Variants in ATP2B2 observed in about 807,000 individuals in gnomAD.
ATP2B2 encodes the protein plasma membrane calcium-transporting ATPase 2.
A neutral mutation model predicts 120.0 loss-of-function variants in ATP2B2; 15 were observed. That is an observed-to-expected ratio of 0.12 (90% CI 0.08 to 0.19). The LOEUF (loss-of-function observed/expected upper bound fraction) is 0.19, where lower values mean the gene tolerates loss of function less well. Among genes scored for constraint, ATP2B2 ranks in the 10% least tolerant of loss-of-function variants. The pLI, the probability that ATP2B2 is intolerant of heterozygous loss-of-function variation, is 1.00. For synonymous variants in ATP2B2, 694 were observed against 700.3 expected (o/e 0.99, Z 0.14); for missense variants, 1,045 against 1,719.8 (o/e 0.61, Z 6.94).
At chr3:10,586,597 G>C (rs926457799) in intron 2 of ATP2B2, among the ~76,000 whole-genome samples, 1 of 152,150 alleles carries the variant, frequency 6.6e-6, no homozygotes, top group East Asian at 1.9e-4. Context: ...GAGGTTCCTC[G>C]AGAGAATCTT....
intron 3 of ATP2B2, among the ~76,000 whole-genome samples, chr3:10,513,868 G>A (rs1045881911): frequency 3.7e-4 from 56 of 152,248 alleles, no homozygotes; most frequent in African/African-American, 1.3e-3. Context: ...TGACCTTAAT[G>A]GTAGCCCTGC....
At chr3:10,570,355 G>T (rs1347622366) in intron 2 of ATP2B2, 9 of 152,234 alleles carry the variant, frequency 5.9e-5, no homozygotes, top group African/African-American at 2.2e-4. Context: ...CAGCAGTTTG[G>T]TGAGTGGGAG....
chr3:10,540,819 G>A (rs1039445247), intron 2 of ATP2B2, among the ~76,000 whole-genome samples: 8 of 151,250 alleles, frequency 5.3e-5, no homozygotes, highest in African/African-American at 1.7e-4. Flanking sequence ...GTATACATAT[G>A]TAACAAACCT....
At chr3:10,542,045 T>C (rs1342613423) in intron 2 of ATP2B2, among the ~76,000 whole-genome samples, 1 of 152,218 alleles carries the variant, frequency 6.6e-6, no homozygotes, top group African/African-American at 2.4e-5. Context: ...TGAAGTTGAC[T>C]TTATCTGATA....
At chr3:10,568,271 T>C (rs2068052042) in intron 2 of ATP2B2, among the ~76,000 whole-genome samples, 1 of 152,162 alleles carries the variant, frequency 6.6e-6, no homozygotes, top group South Asian at 2.1e-4. Flanking sequence ...CCCGGTACTG[T>C]GAACCAAGCC....
chr3:10,332,353 T>C (rs1320012012), intron 22 of ATP2B2: 2 of 363,424 alleles, frequency 5.5e-6, no homozygotes, highest in Non-Finnish European at 1.0e-5. Context: ...CTTGGGTGGT[T>C]TGAAAGAGCA....
intron 5 of ATP2B2, among the ~76,000 whole-genome samples, chr3:10,399,822 C>T (rs1055582278): frequency 6.6e-6 from 1 of 152,230 alleles, no homozygotes; most frequent in Admixed American, 6.5e-5. Flanking sequence ...AGCTCCTATT[C>T]ATCCTTCAAA....
In ATP2B2 at chr3:10,385,332, A is replaced by AG. The variant is rs1204932419; in HGVS notation, c.941-6dup. 6.2e-7 allele frequency: 1 copy of AG among 1,612,654 alleles called. No homozygotes were observed. The highest frequency in any genetic ancestry group is 8.5e-7 in the Non-Finnish European group (1 of 1,179,364). On this transcript the variant is annotated splice_polypyrimidine_tract_variant and splice_region_variant and intron_variant, in intron 7 of 22. Coordinates refer to ENST00000360273, the MANE Select transcript of ATP2B2 (RefSeq NM_001001331.4). ...AAGCTGCCGCACCGTCTGCTGCTGC[A>AG]GGGGGGTGGGAGGGATGGAAAATGC... is the stretch of plus-strand genomic sequence containing the variant.
At chr3:10,364,899 C>T (rs904252655) in intron 12 of ATP2B2, among the ~76,000 whole-genome samples, 5 of 152,178 alleles carry the variant, frequency 3.3e-5, no homozygotes, top group African/African-American at 7.2e-5. Context: ...TCAGCAATGA[C>T]GTCTCCCCTG....
At chr3:10,647,408 C>T (rs891840385) in intron 1 of ATP2B2, among the ~76,000 whole-genome samples, 3 of 152,180 alleles carry the variant, frequency 2.0e-5, no homozygotes, top group Non-Finnish European at 2.9e-5. Flanking sequence ...GGTTTTTCTT[C>T]TCTCGCTTCC....
chr3:10,417,687 T>A (rs1472318195), intron 2 of ATP2B2, among the ~76,000 whole-genome samples: 2 of 152,138 alleles, frequency 1.3e-5, no homozygotes, highest in African/African-American at 4.8e-5. Context: ...CCAGACTTTG[T>A]TCTATATGTT....
chr3:10,382,197 ATTTTTTT>A (rs58615119), intron 8 of ATP2B2, among the ~76,000 whole-genome samples: 11 of 122,324 alleles, frequency 9.0e-5, no homozygotes, highest in Admixed American at 2.6e-4. Context: ...AGCTAATTAA[ATTTTTTT>A]TTTTTTTTTT....
rs1208756668 is a variant in ATP2B2 at position 10,683,790 on chromosome 3, A to G, written c.-460+24125T>C. On this transcript the variant is annotated intron_variant, in intron 1 of 21. Coordinates refer to the ATP2B2 transcript ENST00000646379. ...TATATATATATATATATATATATATATATATATATATATATGTAAAGAGAC... is the reference window on the plus strand; with the variant it reads ...TATATATATATATATATATATATATGTATATATATATATATGTAAAGAGAC... 6.4e-3 allele frequency among the ~76,000 whole-genome samples: 807 copies of G among 127,038 alleles called. 31 individuals carry two copies. The highest frequency in any genetic ancestry group is 0.015 in the Admixed American group (184 of 12,662). The allele number at this position is 127,038 out of a possible 152,430, so 83.3% of individuals were successfully genotyped here.
At chr3:10,457,941 G>C (rs969767799) in intron 1 of ATP2B2, among the ~76,000 whole-genome samples, 1 of 152,150 alleles carries the variant, frequency 6.6e-6, no homozygotes, top group Non-Finnish European at 1.5e-5. Flanking sequence ...CTGGCCTGAG[G>C]AAGGGGAGGT....
At chr3:10,412,494 C>T (rs2062645088) in intron 2 of ATP2B2, among the ~76,000 whole-genome samples, 1 of 152,152 alleles carries the variant, frequency 6.6e-6, no homozygotes, top group Non-Finnish European at 1.5e-5. Context: ...TGTCCTGTCA[C>T]ACCCCCAGGC....
At chr3:10,542,995 T>A (rs1288037806) in intron 2 of ATP2B2, among the ~76,000 whole-genome samples, 1 of 152,232 alleles carries the variant, frequency 6.6e-6, no homozygotes, top group Non-Finnish European at 1.5e-5. Context: ...TTTTGTTAAA[T>A]CAAGGCTCTG....
At chr3:10,389,715 G>A (rs1166834184) in intron 5 of ATP2B2, among the ~76,000 whole-genome samples, 4 of 152,192 alleles carry the variant, frequency 2.6e-5, no homozygotes, top group Non-Finnish European at 4.4e-5. Context: ...GGTGCTTAAT[G>A]CCATTGAACT....
At chr3:10,360,916 C>G (rs751411982) in intron 12 of ATP2B2, among the ~76,000 whole-genome samples, 10 of 152,184 alleles carry the variant, frequency 6.6e-5, no homozygotes, top group Non-Finnish European at 1.2e-4. Flanking sequence ...GGTCACCTCT[C>G]TCTTCCCCCG....
intron 1 of ATP2B2, among the ~76,000 whole-genome samples, chr3:10,457,225 T>A (rs1261847526): frequency 6.6e-6 from 1 of 151,588 alleles, no homozygotes; most frequent in Non-Finnish European, 1.5e-5. Flanking sequence ...TGTGGGTGTG[T>A]AGGGTGTATG....
Sources: allele counts gnomAD v4.1 joint callset (sites outside exome capture counted in the v4.1 genomes callset), GRCh38; gene constraint gnomAD v4.1.1; transcripts MANE v1.5; gene names NCBI Gene and HGNC (gene_info 2026-07-23, HGNC 2026-07-21).